SFI1: variants seen among roughly 807,000 people sequenced by gnomAD.
The protein encoded by SFI1 is protein SFI1 homolog.
In SFI1, 195 loss-of-function variants were observed where a neutral mutation model predicts 207.5. The observed-to-expected ratio is 0.94, with a 90% CI of 0.84 to 1.06. The LOEUF is 1.06. Among genes scored for constraint, SFI1 ranks in the 50% least tolerant of loss-of-function variants. The pLI, the probability that SFI1 is intolerant of heterozygous loss-of-function variation, is 0.00. For synonymous variants in SFI1, 630 were observed against 598.9 expected, an observed-to-expected ratio of 1.05 and a Z score of -0.76; for missense variants, 1,634 against 1,588.0, an observed-to-expected ratio of 1.03 and a Z score of -0.49.
At chr22:31,515,228 G>A (rs1195104888) in intron 2 of SFI1, among the ~76,000 whole-genome samples, 1 of 152,010 alleles carries the variant, frequency 6.6e-6, no homozygotes, top group Non-Finnish European at 1.5e-5. Context: ...TTTCTGAATT[G>A]TTTGAACCAG....
In SFI1 at chr22:31,613,235, C is replaced by T; in HGVS notation, c.2565+19C>T. 3 of 1,613,340 alleles carry T rather than the reference C, an allele frequency of 1.9e-6. No homozygotes were observed. Among genetic ancestry groups the T allele is most frequent in the Non-Finnish European group, 2.5e-6 (3 of 1,179,902 alleles). On this transcript the variant is annotated intron_variant, in intron 25 of 32. Coordinates refer to ENST00000400288, the MANE Select transcript of SFI1 (RefSeq NM_001007467.3). Reference sequence around the variant, plus strand: ...GGCAAAGGTAATTGGGGCTCTGCATCCTACCATCCCTGCCTCTCCCTCAGG... The same window carrying T: ...GGCAAAGGTAATTGGGGCTCTGCATTCTACCATCCCTGCCTCTCCCTCAGG...
chr22:31,546,326 GT>G (rs2060077379), intron 4 of SFI1, among the ~76,000 whole-genome samples: 1 of 151,602 alleles, frequency 6.6e-6, no homozygotes, highest in Non-Finnish European at 1.5e-5. Flanking sequence ...CTATCTTGGT[GT>G]TTACTTTTTC....
At chr22:31,600,982 G>A (rs1261984505) in intron 15 of SFI1, among the ~76,000 whole-genome samples, 1 of 152,206 alleles carries the variant, frequency 6.6e-6, no homozygotes, top group Non-Finnish European at 1.5e-5. Flanking sequence ...CATGGATCCT[G>A]TGGCTTCACC....
chr22:31,561,458 G>A, intron 8 of SFI1, 66 bp downstream of exon 8: 1 of 1,357,436 alleles, frequency 7.4e-7, no homozygotes, highest in Non-Finnish European at 1.0e-6. Flanking sequence ...ACCCACAGAG[G>A]GCAGTGCTGG....
In SFI1 at chr22:31,544,438, C is replaced by T. The variant is rs531879780; in HGVS notation, c.339-2423C>T. Among the ~76,000 whole-genome samples the T allele has an allele frequency of 3.3e-5, 5 of 151,964 alleles. No individual in the cohort carries two copies. The South Asian group carries it at 1.0e-3, about 32-fold the overall frequency. On this transcript the variant is annotated intron_variant, in intron 4 of 32. Coordinates refer to ENST00000400288, the MANE Select transcript of SFI1 (RefSeq NM_001007467.3). ...ACTTTTTAGTAATAAAAATATTTTT[C>T]ATTCTGGTGAATGAAAAAAATTAAA...
At chr22:31,602,494 G>T in intron 16 of SFI1, 113 bp from the exon 17 acceptor site, 1 of 1,326,904 alleles carries the variant, frequency 7.5e-7, no homozygotes, top group South Asian at 1.3e-5. Context: ...ACCACGTCCT[G>T]ACATCCATTC....
intron 15 of SFI1, among the ~76,000 whole-genome samples, chr22:31,591,601 A>ACCCC (rs1176621591): frequency 1.1e-5 from 1 of 92,526 alleles, no homozygotes; most frequent in Non-Finnish European, 2.2e-5. Flanking sequence ...AGGGGGGCTG[A>ACCCC]CCCCCCCCAC....
chr22:31,568,173 GTGTGTGTGTGTGTGTGTGTGT>G (rs1287862282), intron 8 of SFI1, among the ~76,000 whole-genome samples: 1,573 of 121,686 alleles, frequency 0.013, 12 homozygotes, highest in Middle Eastern at 0.032. Flanking sequence ...ATATGTGTGT[GTGTGTGTGTGTGTGTGTGTGT>G]TGTGTGTGTG....
chr22:31,611,879 C>A, intron 24 of SFI1, 39 bp downstream of exon 24: 1 of 1,611,094 alleles, frequency 6.2e-7, no homozygotes, highest in South Asian at 1.1e-5. Context: ...ACTTCCTTCT[C>A]CATCCTCTGG....
At position 31,531,061 on chromosome 22, in the gene SFI1, C is replaced by T. The variant is rs541710556; in HGVS notation, c.270C>T (p.Cys90=). ...ATGCTTTTTTTCCTTCTTTCAGATG[C>T]GTGGCCAGAAAGTTCTTATATTTAT... ...QGRLRELRIR[C]VARKFLYLWI... The change falls in exon 4 of 33, where the codon TGC becomes TGT. Residue 90 remains cysteine (C), a synonymous_variant. Transcript: ENST00000400288. 45 of 1,610,442 alleles carry T rather than the reference C, an allele frequency of 2.8e-5. No homozygotes were observed. In the East Asian group the frequency reaches 3.3e-4, roughly 12 times the overall value.
chr22:31,584,391 G>T (rs1034626357), intron 13 of SFI1, among the ~76,000 whole-genome samples: 3 of 152,116 alleles, frequency 2.0e-5, no homozygotes, highest in Non-Finnish European at 2.9e-5. Flanking sequence ...CTACATTTCT[G>T]TGAGGAAAAC....
rs34588094 is a variant in SFI1, at chr22:31,503,584, GTT to G, written c.-30-4652_-30-4651del. Among the ~76,000 whole-genome samples, 317 of 94,480 alleles carry G rather than the reference GTT, an allele frequency of 3.4e-3. 1 individual carries two copies. Among genetic ancestry groups the G allele is most frequent in the African/African-American group, 0.011 (247 of 22,194 alleles). The allele number at this position is 94,480 out of a possible 152,430, so 62.0% of individuals were successfully genotyped here. On this transcript the variant is annotated intron_variant, in intron 1 of 32. Transcript: ENST00000400288. The stretch of plus-strand genomic sequence containing the variant: ...TAATAATTTTTGTTTTTCTTGGACT[GTT>G]TTTTTTTTTTTTTTTTTTGAGATGG...
chr22:31,513,814 C>T (rs1273780519), intron 2 of SFI1, among the ~76,000 whole-genome samples: 6 of 151,282 alleles, frequency 4.0e-5, no homozygotes, highest in Non-Finnish European at 7.4e-5. Flanking sequence ...CTCCTGACCT[C>T]GTGATCCGCC....
At chr22:31,531,759 G>A (rs2058551443) in intron 4 of SFI1, among the ~76,000 whole-genome samples, 1 of 152,196 alleles carries the variant, frequency 6.6e-6, no homozygotes, top group African/African-American at 2.4e-5. Flanking sequence ...CGGACGTGGT[G>A]GCGCATGCCT....
chr22:31,516,046 T>C (rs1354924125), intron 2 of SFI1, among the ~76,000 whole-genome samples: 2 of 152,052 alleles, frequency 1.3e-5, no homozygotes, highest in Non-Finnish European at 2.9e-5. Context: ...TTTTCTCTTT[T>C]TGAAGTACAT....
intron 15 of SFI1, among the ~76,000 whole-genome samples, chr22:31,598,314 T>G (rs1788094563): frequency 6.6e-6 from 1 of 151,786 alleles, no homozygotes; most frequent in South Asian, 2.1e-4. Context: ...ACCTATATAA[T>G]CAACACTCCA....
At position 31,613,361 on chromosome 22, in the gene SFI1, C is replaced by T. The variant is rs1420813670; in HGVS notation, c.2573C>T (p.Ala858Val). The change falls in exon 26 of 33, where the codon GCC becomes GTC. Residue 858 changes from alanine (A) to valine (V), a missense_variant. Ala to Val is a moderately conservative substitution (Grantham distance 64, BLOSUM62 0). Transcript: ENST00000400288. ...WAFSLQAKVWATWLAFVLERR... is the reference protein window; with the variant it reads ...WAFSLQAKVWVTWLAFVLERR... ...CTCCTGCCCTCCCTGGAGGTGTGGG[C>T]CACGTGGCTGGCCTTTGTACTGGAA... 3 of 1,607,630 alleles carry T rather than the reference C, an allele frequency of 1.9e-6. No homozygotes were observed. Among genetic ancestry groups the T allele is most frequent in the African/African-American group, 1.3e-5 (1 of 74,864 alleles).
At chr22:31,612,049 G>A (rs2070249458) in intron 24 of SFI1, 2 of 1,363,428 alleles carry the variant, frequency 1.5e-6, no homozygotes, top group Non-Finnish European at 9.5e-7. Context: ...GTTACTTCAA[G>A]GCCAGTTTCT....
At chr22:31,526,240 T>C (rs2057896556) in intron 2 of SFI1, among the ~76,000 whole-genome samples, 1 of 152,196 alleles carries the variant, frequency 6.6e-6, no homozygotes, top group Admixed American at 6.5e-5. Context: ...AAGTAATTTA[T>C]AAAGGAAGGA....
Sources: gnomAD v4.1 joint callset for allele counts (sites outside exome capture counted in the v4.1 genomes callset) on GRCh38, gnomAD v4.1.1 for gene constraint, MANE v1.5 for transcripts, NCBI Gene and HGNC (gene_info 2026-07-23, HGNC 2026-07-21) for gene names.